PGAP3: variants seen among roughly 807,000 people sequenced by gnomAD.
PGAP3 encodes the protein GPI-specific phospholipase A2-like PGAP3.
In PGAP3, 31 loss-of-function variants were observed where a neutral mutation model predicts 40.3. The ratio of observed to expected loss-of-function variants is 0.77; its 90% CI spans 0.58 to 1.04. The LOEUF (loss-of-function observed/expected upper bound fraction) is 1.04. Ranked by LOEUF, PGAP3 falls within the 50% of genes least tolerant of loss-of-function variation. The pLI is 0.00. For missense variants in PGAP3, 413 were observed against 423.0 expected (o/e 0.98, Z 0.21); for synonymous variants, 191 against 184.5 (o/e 1.04, Z -0.29).
At chr17:39,686,104 G>T in intron 1 of PGAP3, 85 bp from the exon 2 acceptor site, 1 of 1,143,870 alleles carries the variant, frequency 8.7e-7, no homozygotes, top group Non-Finnish European at 1.3e-6. Flanking sequence ...GCAAATGTAG[G>T]CCAAGAGGGC....
In PGAP3 at chr17:39,673,206, C is replaced by T. The variant is rs750265199; in HGVS notation, c.744G>A (p.Arg248=). The T allele has an allele frequency of 1.9e-6, 3 of 1,569,008 alleles. No individual in the cohort carries two copies. Among genetic ancestry groups the T allele is most frequent in the Admixed American group, 1.9e-5 (1 of 52,316 alleles). Residue 248 remains arginine, a synonymous_variant, in exon 7 of 8, where the codon CGG becomes CGA. Transcript: ENST00000300658. ...CGCACTTGCGCACGTGAGGCAGCCG[C>T]CGCTGGTTCCACAGGCACCAGGCCA... is the stretch of plus-strand genomic sequence containing the variant. ...WWLAWCLWNQ[R]RLPHVRKCVV...
intron 4 of PGAP3, 78 bp downstream of exon 4, chr17:39,674,539 C>A (rs373720390): frequency 7.0e-7 from 1 of 1,434,656 alleles, no homozygotes; most frequent in Non-Finnish European, 9.5e-7. Context: ...TTGGCATGAC[C>A]CTCTAGAGCC....
intron 3 of PGAP3, among the ~76,000 whole-genome samples, chr17:39,682,447 T>C (rs1482713127): frequency 6.6e-6 from 1 of 152,106 alleles, no homozygotes; most frequent in Non-Finnish European, 1.5e-5. Context: ...GTAATTTGTC[T>C]TTTGCCACTT....
chr17:39,673,178 C>T lies in PGAP3; in HGVS notation c.772G>A (p.Val258Met), dbSNP rs771184464. 7 of 1,583,284 alleles carry T rather than the reference C, an allele frequency of 4.4e-6. No individual in the cohort carries two copies. In the Admixed American group the frequency reaches 7.4e-5, roughly 17 times the overall value. ...RRLPHVRKCV[V>M]VVLLLQGLSL... is the part of the protein sequence containing the mutation. ...AGCCCCTGCAGCAGCAAGACCACCA[C>T]CACGCACTTGCGCACGTGAGGCAGC... The change falls in exon 7 of 8, where the codon GTG becomes ATG. Residue 258 changes from valine to methionine, a missense_variant. Coordinates refer to ENST00000300658, the MANE Select transcript of PGAP3 (RefSeq NM_033419.5).
At position 39,687,824 on chromosome 17, in the gene PGAP3, T is replaced by C; in HGVS notation, c.181+10A>G. On this transcript the variant is annotated intron_variant, in intron 1 of 7. Coordinates refer to ENST00000300658, the MANE Select transcript of PGAP3 (RefSeq NM_033419.5). ...AAATGGGCGGGGCTTACCGTGGGGG[T>C]GGGGCTTACCTGCTAGACTCATGTA... 1 of 1,400,478 alleles carries C rather than the reference T, an allele frequency of 7.1e-7. No homozygotes were observed. The highest frequency in any genetic ancestry group is 9.4e-7 in the Non-Finnish European group (1 of 1,059,142). 86.8% of individuals were successfully genotyped at this position (1,400,478 alleles called of 1,614,324 possible).
At chr17:39,681,161 C>T (rs904166776) in intron 3 of PGAP3, among the ~76,000 whole-genome samples, 2 of 152,160 alleles carry the variant, frequency 1.3e-5, no homozygotes, top group African/African-American at 4.8e-5. Context: ...CCACTGCGCC[C>T]GGCCTCCATC....
At position 39,673,170 on chromosome 17, in the gene PGAP3, GACC is replaced by G; in HGVS notation, c.777_779del (p.Val260del). 2 of 1,589,022 alleles carry G rather than the reference GACC, an allele frequency of 1.3e-6. No homozygotes were observed. The highest frequency in any genetic ancestry group is 1.1e-5 in the South Asian group (1 of 87,400). ...GCAGGGACAGCCCCTGCAGCAGCAA[GACC>G]ACCACCACGCACTTGCGCACGTGAG... On this transcript the variant is annotated inframe_deletion, in exon 7 of 8. Transcript: ENST00000300658.
chr17:39,678,602 G>A (rs1477535930), intron 3 of PGAP3, among the ~76,000 whole-genome samples: 1 of 152,198 alleles, frequency 6.6e-6, no homozygotes, highest in African/African-American at 2.4e-5. Context: ...CTTCCCCCAA[G>A]ACTTAGCCCG....
rs1337509088 is a variant in PGAP3 at position 39,687,981 on chromosome 17, C to T, written c.34G>A (p.Ala12Thr). 8 of 1,452,308 alleles carry T rather than the reference C, an allele frequency of 5.5e-6. No individual in the cohort carries two copies. Among genetic ancestry groups the T allele is most frequent in the African/African-American group, 1.4e-5 (1 of 69,672 alleles). 90.0% of individuals were successfully genotyped at this position (1,452,308 alleles called of 1,614,324 possible). A position where few individuals can be genotyped will look rare whatever the true frequency, so the allele number is the denominator to read the frequency against. ...AGLAARLVLL[A>T]GAAALASGSQ... is the part of the protein sequence containing the mutation. Reference sequence around the variant, plus strand: ...CCGCTCGCCAGCGCCGCTGCCCCAGCTAGCAGGACCAACCGCGCCGCCAGG... The same window carrying T: ...CCGCTCGCCAGCGCCGCTGCCCCAGTTAGCAGGACCAACCGCGCCGCCAGG... Residue 12 changes from alanine to threonine, a missense_variant, in exon 1 of 8, where the codon GCT becomes ACT. Ala to Thr is a moderately conservative substitution (Grantham distance 58). Coordinates refer to ENST00000300658, the MANE Select transcript of PGAP3 (RefSeq NM_033419.5).
chr17:39,680,853 T>A (rs1311911639), intron 3 of PGAP3, among the ~76,000 whole-genome samples: 2 of 151,978 alleles, frequency 1.3e-5, no homozygotes, highest in African/African-American at 4.8e-5. Flanking sequence ...ACAGCTTCTA[T>A]CACTGTCTTT....
chr17:39,677,203 C>T (rs573750835), intron 3 of PGAP3, among the ~76,000 whole-genome samples: 29 of 152,302 alleles, frequency 1.9e-4, no homozygotes, highest in Non-Finnish European at 4.0e-4. Flanking sequence ...GAATGCCTGG[C>T]ACCAAGGAAC....
At chr17:39,672,976 G>C (rs998777900) in intron 7 of PGAP3, 75 bp downstream of exon 7, 1 of 1,577,128 alleles carries the variant, frequency 6.3e-7, no homozygotes, top group African/African-American at 1.3e-5. Context: ...GGCACACAGA[G>C]CCCCCAATCT....
Position 39,687,877 on chromosome 17 carries a change from C to T in PGAP3, c.138G>A (p.Leu46=). ...TTGGCTGGCGGGAGCGGAAGTGATT[C>T]AGAGCGCCCCCAGAGCAGTTCTGCT... ...CEEQNCSGGA[L]NHFRSRQPIY... is the part of the protein sequence containing the mutation. The change falls in exon 1 of 8, where the codon CTG becomes CTA. Residue 46 remains leucine (L), a synonymous_variant. Transcript: ENST00000300658. 1 of 1,503,362 alleles carries T rather than the reference C, an allele frequency of 6.7e-7. No individual in the cohort carries two copies. The highest frequency in any genetic ancestry group is 9.0e-7 in the Non-Finnish European group (1 of 1,113,444). The allele number at this position is 1,503,362 out of a possible 1,614,324, so 93.1% of individuals were successfully genotyped here. A position where few individuals can be genotyped will look rare whatever the true frequency, so the allele number is the denominator to read the frequency against.
rs780010071 is a variant in PGAP3, at chr17:39,687,860, C to A, written c.155G>T (p.Arg52Leu). The A allele has an allele frequency of 7.4e-6, 11 of 1,492,098 alleles. No homozygotes were observed. Among genetic ancestry groups the A allele is most frequent in the Middle Eastern group, 1.9e-4 (1 of 5,330 alleles). 92.4% of individuals were successfully genotyped at this position (1,492,098 alleles called of 1,614,324 possible). A position where few individuals can be genotyped will look rare whatever the true frequency, so the allele number is the denominator to read the frequency against. Residue 52 changes from arginine (R) to leucine (L), a missense_variant, in exon 1 of 8, where the codon CGC becomes CTC. Coordinates refer to ENST00000300658, the MANE Select transcript of PGAP3 (RefSeq NM_033419.5). ...SGGALNHFRS[R>L]QPIYMSLAGW... ...TGCTAGACTCATGTAGATTGGCTGG[C>A]GGGAGCGGAAGTGATTCAGAGCGCC...
At position 39,674,757 on chromosome 17, in the gene PGAP3, T is replaced by C. The variant is rs558089623; in HGVS notation, c.433-78A>G. 1.2e-4 allele frequency: 174 copies of C among 1,397,276 alleles called. 5 individuals carry two copies. In the South Asian group the frequency reaches 2.1e-3, roughly 17 times the overall value. 86.6% of individuals were successfully genotyped at this position (1,397,276 alleles called of 1,614,324 possible). A position where few individuals can be genotyped will look rare whatever the true frequency, so the allele number is the denominator to read the frequency against. On this transcript the variant is annotated intron_variant, in intron 3 of 7. Coordinates refer to ENST00000300658, the MANE Select transcript of PGAP3 (RefSeq NM_033419.5). ...AGGGACCCCCATTTGCTCACATCCA[T>C]TTCACCTTTGGGAAGGGGCTCTGCA...
chr17:39,675,040 ACCACC>A (rs151309334), intron 3 of PGAP3, among the ~76,000 whole-genome samples: 13,591 of 100,508 alleles, frequency 0.14, 1,425 homozygotes, highest in African/African-American at 0.28. Context: ...TGTTGACAGC[ACCACC>A]CCACCCGGGC....
intron 2 of PGAP3, 22 bp from the exon 3 acceptor site, chr17:39,684,771 G>A: frequency 6.4e-7 from 1 of 1,564,672 alleles, no homozygotes; most frequent in Non-Finnish European, 8.7e-7. Flanking sequence ...GCAGATGAAG[G>A]AGGTTTGAAG....
intron 3 of PGAP3, among the ~76,000 whole-genome samples, chr17:39,678,252 A>T (rs2057399379): frequency 3.3e-5 from 5 of 152,192 alleles, no homozygotes; most frequent in African/African-American, 1.2e-4. Context: ...GGAAGAGAAG[A>T]ATCAGTCCCC....
intron 3 of PGAP3, among the ~76,000 whole-genome samples, chr17:39,678,791 T>G (rs1326258603): frequency 6.6e-6 from 1 of 152,022 alleles, no homozygotes; most frequent in African/African-American, 2.4e-5. Flanking sequence ...AAAGCCAAAC[T>G]AGGCCATCCA....
Sources: gnomAD v4.1 joint callset for allele counts (sites outside exome capture counted in the v4.1 genomes callset) on GRCh38, gnomAD v4.1.1 for gene constraint, MANE v1.5 for transcripts, NCBI Gene and HGNC (gene_info 2026-07-23, HGNC 2026-07-21) for gene names.